ARL15: variants seen among roughly 807,000 people sequenced by gnomAD.
ARL15 encodes ARF like GTPase 15, also known as ADP-ribosylation factor-like protein 15.
ARL15 carries 19 observed loss-of-function variants against 25.2 expected under a neutral mutation model. That is an observed-to-expected ratio of 0.75 (90% CI 0.53 to 1.10). The LOEUF (loss-of-function observed/expected upper bound fraction) is 1.10, where lower values mean the gene tolerates loss of function less well. Ranked by LOEUF, ARL15 falls within the 50% of genes least tolerant of loss-of-function variation. ARL15 has a pLI of 0.00. For missense variants in ARL15, 220 were observed against 246.0 expected (o/e 0.89, Z 0.71); for synonymous variants, 94 against 86.8 (o/e 1.08, Z -0.46).
intron 4 of ARL15, among the ~76,000 whole-genome samples, chr5:53,933,876 G>C (rs2112061340): frequency 6.6e-6 from 1 of 152,076 alleles, no homozygotes; most frequent in East Asian, 1.9e-4. Flanking sequence ...CAATGACCAA[G>C]GGCTGAATTC....
chr5:54,065,553 C>T (rs930914486), intron 4 of ARL15, among the ~76,000 whole-genome samples: 1 of 94,168 alleles, frequency 1.1e-5, no homozygotes, highest in Non-Finnish European at 2.0e-5. Flanking sequence ...GTAGTCCCAG[C>T]TACTCCGGAG....
chr5:54,154,168 A>C (rs1754151343), intron 3 of ARL15, among the ~76,000 whole-genome samples: 1 of 152,224 alleles, frequency 6.6e-6, no homozygotes, highest in Non-Finnish European at 1.5e-5. Context: ...TATCGGAACA[A>C]ATACATTCTA....
At chr5:53,983,153 G>A (rs182232757) in intron 4 of ARL15, among the ~76,000 whole-genome samples, 4 of 151,982 alleles carry the variant, frequency 2.6e-5, no homozygotes, top group African/African-American at 4.8e-5. Context: ...AATAAACAGC[G>A]GTCAGTTTTT....
At chr5:54,193,199 T>G (rs574493118) in intron 1 of ARL15, among the ~76,000 whole-genome samples, 5 of 152,328 alleles carry the variant, frequency 3.3e-5, no homozygotes, top group African/African-American at 1.2e-4. Context: ...TTGTTCCTTC[T>G]TTCTATATTT....
At chr5:54,007,482 C>T (rs907629138) in intron 4 of ARL15, among the ~76,000 whole-genome samples, 13 of 152,114 alleles carry the variant, frequency 8.5e-5, no homozygotes, top group African/African-American at 3.1e-4. Flanking sequence ...TGATCCTGGC[C>T]TTAAATAAAA....
At chr5:53,975,379 C>A (rs1747891773) in intron 4 of ARL15, among the ~76,000 whole-genome samples, 1 of 152,154 alleles carries the variant, frequency 6.6e-6, no homozygotes, top group Admixed American at 6.5e-5. Flanking sequence ...GCACTGTATT[C>A]AAAGAGAGCT....
At chr5:54,085,610 C>T (rs1296245592) in intron 4 of ARL15, among the ~76,000 whole-genome samples, 1 of 152,150 alleles carries the variant, frequency 6.6e-6, no homozygotes, top group Non-Finnish European at 1.5e-5. Context: ...TTTAAAACAT[C>T]TGGCAATTGT....
At chr5:54,008,349 T>C (rs3776712) in intron 4 of ARL15, among the ~76,000 whole-genome samples, 42,929 of 152,132 alleles carry the variant, frequency 0.28, 6,290 homozygotes, top group East Asian at 0.46. Context: ...GTTAATGCAT[T>C]GCGACTACTA....
chr5:54,268,773 T>C (rs1757697716), intron 1 of ARL15, among the ~76,000 whole-genome samples: 1 of 152,140 alleles, frequency 6.6e-6, no homozygotes, highest in Non-Finnish European at 1.5e-5. Context: ...CATGCACACA[T>C]ATGTTTATGG....
chr5:54,041,790 C>T (rs925906634), intron 4 of ARL15, among the ~76,000 whole-genome samples: 2 of 152,130 alleles, frequency 1.3e-5, no homozygotes, highest in East Asian at 3.9e-4. Flanking sequence ...CTGAAATTGA[C>T]GCCCCAGGAA....
rs1758872235 is a variant in ARL15 at position 54,310,555 on chromosome 5, TC to T, written c.-77del. The T allele has an allele frequency of 1.0e-5, 15 of 1,502,856 alleles. No individual in the cohort carries two copies. The highest frequency in any genetic ancestry group is 2.1e-5 in the Admixed American group (1 of 46,618). 93.1% of individuals were successfully genotyped at this position (1,502,856 alleles called of 1,614,324 possible). A position where few individuals can be genotyped will look rare whatever the true frequency, so the allele number is the denominator to read the frequency against. Reference sequence around the variant, plus strand: ...GCGTCTCTGGCTGCGAGCGAGCAGCTCCTGAAAAAGCCAGCAACAGCGAAAA... The same window carrying T: ...GCGTCTCTGGCTGCGAGCGAGCAGCTCTGAAAAAGCCAGCAACAGCGAAAA... On this transcript the variant is annotated 5_prime_UTR_variant, in exon 1 of 5. Coordinates refer to ENST00000504924, the MANE Select transcript of ARL15 (RefSeq NM_019087.3).
At chr5:54,189,077 G>A (rs958681378) in intron 1 of ARL15, among the ~76,000 whole-genome samples, 13 of 152,018 alleles carry the variant, frequency 8.6e-5, no homozygotes, top group East Asian at 1.9e-4. Flanking sequence ...ATAATAGCAC[G>A]TAAAAGAATA....
At chr5:54,054,929 G>A (rs981751726) in intron 4 of ARL15, among the ~76,000 whole-genome samples, 2 of 151,912 alleles carry the variant, frequency 1.3e-5, no homozygotes, top group East Asian at 1.9e-4. Flanking sequence ...TTCTCCATGC[G>A]ACCTAAACAT....
At chr5:53,993,058 G>A (rs72764750) in intron 4 of ARL15, among the ~76,000 whole-genome samples, 32,585 of 150,360 alleles carry the variant, frequency 0.22, 3,755 homozygotes, top group East Asian at 0.45. Context: ...AAAAAAAAAA[G>A]AAGTTAAAAA....
chr5:54,024,537 TA>T (rs1251082515), intron 4 of ARL15, among the ~76,000 whole-genome samples: 1 of 152,208 alleles, frequency 6.6e-6, no homozygotes, highest in Admixed American at 6.5e-5. Context: ...GGTATGGTAC[TA>T]ACTCAATTCA....
At chr5:54,181,035 T>C (rs1490975091) in intron 1 of ARL15, among the ~76,000 whole-genome samples, 2 of 152,274 alleles carry the variant, frequency 1.3e-5, no homozygotes, top group African/African-American at 4.8e-5. Context: ...GAATTCAAGA[T>C]GAACCAAAAG....
chr5:54,063,328 G>A (rs1751123367), intron 4 of ARL15, among the ~76,000 whole-genome samples: 1 of 152,178 alleles, frequency 6.6e-6, no homozygotes, highest in South Asian at 2.1e-4. Flanking sequence ...CTGCCAAACT[G>A]TTCTGGGAAA....
intron 4 of ARL15, chr5:54,075,540 C>T (rs116006640): frequency 0.035 from 5,383 of 153,054 alleles, 332 homozygotes; most frequent in African/African-American, 0.12. Context: ...GTCAGTGCCA[C>T]GATCTTGGCT....
intron 1 of ARL15, among the ~76,000 whole-genome samples, chr5:54,250,708 T>C (rs953634486): frequency 3.9e-5 from 6 of 152,016 alleles, no homozygotes; most frequent in Admixed American, 2.6e-4. Context: ...CAAAGGGCCA[T>C]TGAAGATGGA....
Sources: allele counts gnomAD v4.1 joint callset (sites outside exome capture counted in the v4.1 genomes callset), GRCh38; gene constraint gnomAD v4.1.1; transcripts MANE v1.5; gene names NCBI Gene and HGNC (gene_info 2026-07-23, HGNC 2026-07-21).